Variants in TMEM45B observed in about 807,000 individuals in gnomAD.
TMEM45B encodes transmembrane protein 45B.
A neutral mutation model predicts 27.3 loss-of-function variants in TMEM45B; 29 were observed. The ratio of observed to expected loss-of-function variants is 1.06; its 90% CI spans 0.79 to 1.45. The LOEUF (loss-of-function observed/expected upper bound fraction) is 1.45. Ranked by LOEUF, TMEM45B falls within the 40% of genes most tolerant of loss-of-function variation. The probability of loss-of-function intolerance (pLI) is 0.00; values close to 1 mark genes in which losing one functional copy is unlikely to be tolerated. For missense variants in TMEM45B, 348 were observed against 343.9 expected (o/e 1.01, Z -0.09); for synonymous variants, 143 against 134.7 (o/e 1.06, Z -0.43).
intron 1 of TMEM45B, among the ~76,000 whole-genome samples, chr11:129,833,839 A>G (rs1947584159): frequency 6.6e-6 from 1 of 152,238 alleles, no homozygotes; most frequent in African/African-American, 2.4e-5. Context: ...GAAATAGGGC[A>G]AAGGCGGTCA....
At chr11:129,822,640 A>G (rs1423543703) in intron 1 of TMEM45B, among the ~76,000 whole-genome samples, 1 of 152,172 alleles carries the variant, frequency 6.6e-6, no homozygotes, top group Non-Finnish European at 1.5e-5. Context: ...TAAGGTGGAC[A>G]GGTGGAGGTC....
Position 129,857,323 on chromosome 11 carries a change from T to G in TMEM45B, c.581T>G (p.Val194Gly), listed in dbSNP as rs1947943394. 6.2e-7 allele frequency: 1 copy of G among 1,614,126 alleles called. No homozygotes were observed. Among genetic ancestry groups the G allele is most frequent in the Non-Finnish European group, 8.5e-7 (1 of 1,180,054 alleles). Residue 194 changes from valine (V) to glycine (G), a missense_variant, in exon 5 of 6, where the codon GTG becomes GGG. Transcript: ENST00000281441. ...TCTGTAATCCCCTAGATTGGGTTTG[T>G]GCTGTTCCCACCTTTTGGAACACCC... ...QGTWFWQIGF[V>G]LFPPFGTPEW...
At chr11:129,838,050 G>A (rs1212764371) in intron 1 of TMEM45B, among the ~76,000 whole-genome samples, 3 of 152,102 alleles carry the variant, frequency 2.0e-5, no homozygotes, top group Non-Finnish European at 4.4e-5. Flanking sequence ...CCAAAGTGCT[G>A]GGATTACAGG....
At chr11:129,851,189 G>T (rs1338216034) in intron 1 of TMEM45B, among the ~76,000 whole-genome samples, 1 of 152,186 alleles carries the variant, frequency 6.6e-6, no homozygotes, top group African/African-American at 2.4e-5. Flanking sequence ...CCCTGTATGA[G>T]GGAGGGCATC....
chr11:129,854,513 CCATCTCCG>C, intron 2 of TMEM45B, 89 bp from the exon 3 acceptor site: 1 of 1,268,808 alleles, frequency 7.9e-7, no homozygotes, highest in Non-Finnish European at 1.1e-6. Flanking sequence ...TCACCTCACC[CCATCTCCG>C]CTTCGCTCAT....
At chr11:129,850,455 G>GCACCGTGGCT (rs1947832756) in intron 1 of TMEM45B, 2 of 152,124 alleles carry the variant, frequency 1.3e-5, no homozygotes, top group Non-Finnish European at 2.9e-5. Context: ...GTGAGCCACC[G>GCACCGTGGCT]CACCTGGCCT....
chr11:129,842,507 A>G (rs1487813824), intron 1 of TMEM45B, among the ~76,000 whole-genome samples: 1 of 152,242 alleles, frequency 6.6e-6, no homozygotes. Flanking sequence ...AGGTTAACTA[A>G]TCTTCTACAA....
chr11:129,838,355 G>A (rs1363804698), intron 1 of TMEM45B, among the ~76,000 whole-genome samples: 2 of 152,090 alleles, frequency 1.3e-5, no homozygotes, highest in African/African-American at 2.4e-5. Context: ...ACCAGTCCCC[G>A]TTGTGAGCCA....
At chr11:129,822,684 C>T (rs1242756883) in intron 1 of TMEM45B, among the ~76,000 whole-genome samples, 5 of 152,018 alleles carry the variant, frequency 3.3e-5, no homozygotes, top group African/African-American at 7.3e-5. Flanking sequence ...TCCTTGACTC[C>T]GCCTGCACTT....
chr11:129,851,262 G>A lies in TMEM45B; in HGVS notation c.-8-1213G>A, dbSNP rs145016268. On this transcript the variant is annotated intron_variant, in intron 1 of 5. Coordinates refer to ENST00000281441, the MANE Select transcript of TMEM45B (RefSeq NM_138788.5). ...GTCCCTTCTTAAAAGTCCTCTTCTC[G>A]GCCGGGTGTGGTGGCTCACACCTGT... 2.8e-3 allele frequency among the ~76,000 whole-genome samples: 428 copies of A among 152,188 alleles called. 2 individuals are homozygous for A. The highest frequency in any genetic ancestry group is 9.9e-3 in the African/African-American group (412 of 41,532).
rs1417801868 is a variant in TMEM45B, at chr11:129,855,895, G to A, written c.570+3G>A. The A allele has an allele frequency of 1.2e-6, 2 of 1,613,802 alleles. No individual in the cohort carries two copies. Among genetic ancestry groups the A allele is most frequent in the Non-Finnish European group, 1.7e-6 (2 of 1,179,926 alleles). On this transcript the variant is annotated splice_donor_region_variant and intron_variant, in intron 4 of 5. Transcript: ENST00000281441. ...TTCAGGGAACCTGGTTCTGGCAGGT[G>A]ATTTTCCACACCCAGGCCCCTCGCT...
chr11:129,815,848 G>T lies in TMEM45B; in HGVS notation c.-59G>T, dbSNP rs1947342919. On this transcript the variant is annotated 5_prime_UTR_variant, in exon 1 of 6. Coordinates refer to ENST00000281441, the MANE Select transcript of TMEM45B (RefSeq NM_138788.5). ...GAGCTGCACCTGCTTCTGGGCGGAC[G>T]CACTTGGCGCGCGGCGCGGGCTGCA... 1.5e-6 allele frequency: 2 copies of T among 1,310,180 alleles called. No homozygotes were observed. The highest frequency in any genetic ancestry group is 3.1e-5 in the East Asian group (1 of 32,296). The allele number at this position is 1,310,180 out of a possible 1,614,324, so 81.2% of individuals were successfully genotyped here. A position where few individuals can be genotyped will look rare whatever the true frequency, so the allele number is the denominator to read the frequency against.
At chr11:129,844,989 T>C (rs1947739546) in intron 1 of TMEM45B, among the ~76,000 whole-genome samples, 1 of 152,020 alleles carries the variant, frequency 6.6e-6, no homozygotes, top group Non-Finnish European at 1.5e-5. Context: ...CAGAAAGAAA[T>C]GAAGAACGCT....
Position 129,858,787 on chromosome 11 carries a change from T to C in TMEM45B, c.*102T>C. ...GCTGTGGTCTGATCTTAAGGGTCTA[T>C]ATATTTGCACCTCCTCATTCAACAC... On this transcript the variant is annotated 3_prime_UTR_variant, in exon 6 of 6. Transcript: ENST00000281441. The C allele has an allele frequency of 3.7e-6, 3 of 808,728 alleles. No homozygotes were observed. The highest frequency in any genetic ancestry group is 1.8e-5 in the South Asian group (1 of 57,082). The allele number at this position is 808,728 out of a possible 1,614,324, so 50.1% of individuals were successfully genotyped here. A position where few individuals can be genotyped will look rare whatever the true frequency, so the allele number is the denominator to read the frequency against.
chr11:129,847,404 G>GTTATATTTTTT (rs1947774488), intron 1 of TMEM45B, among the ~76,000 whole-genome samples: 1 of 147,868 alleles, frequency 6.8e-6, no homozygotes, highest in Non-Finnish European at 1.5e-5. Flanking sequence ...AGCTTATGAA[G>GTTATATTTTTT]TTATTTTTTT....
rs536426618 is a variant in TMEM45B at position 129,855,626 on chromosome 11, A to C, written c.386-82A>C. The C allele has an allele frequency of 1.0e-3, 1,484 of 1,439,582 alleles. 21 individuals are homozygous for C. Among genetic ancestry groups the C allele is most frequent in the Middle Eastern group, 2.2e-3 (12 of 5,506 alleles). 89.2% of individuals were successfully genotyped at this position (1,439,582 alleles called of 1,614,324 possible). ...TAACTGCCTAAATGCTGAAGAACCT[A>C]GCTGAGACAGGTGTAGGAGGAAACT... is the stretch of plus-strand genomic sequence containing the variant. On this transcript the variant is annotated intron_variant, in intron 3 of 5. Coordinates refer to ENST00000281441, the MANE Select transcript of TMEM45B (RefSeq NM_138788.5).
rs145618743 is a variant in TMEM45B at position 129,830,078 on chromosome 11, C to A, written c.-9+14180C>A. On this transcript the variant is annotated intron_variant, in intron 1 of 5. Transcript: ENST00000281441. ...AGGTGCAGTGGTTCACACCTGTAATCCCAGCACTTTGGGAAGCCAAGGCTG... is the reference window on the plus strand; with the variant it reads ...AGGTGCAGTGGTTCACACCTGTAATACCAGCACTTTGGGAAGCCAAGGCTG... Among the ~76,000 whole-genome samples, 508 of 152,354 alleles carry A rather than the reference C, an allele frequency of 3.3e-3. 5 individuals carry two copies. Among genetic ancestry groups the A allele is most frequent in the African/African-American group, 0.012 (480 of 41,576 alleles).
chr11:129,849,931 G>GCCTTTGGGGTC (rs1377930469), intron 1 of TMEM45B, among the ~76,000 whole-genome samples: 72 of 152,190 alleles, frequency 4.7e-4, no homozygotes, highest in African/African-American at 1.5e-3. Context: ...TTTCCGAAAT[G>GCCTTTGGGGTC]ACTTTGGGGT....
chr11:129,820,147 C>G (rs1947401337), intron 1 of TMEM45B, among the ~76,000 whole-genome samples: 1 of 152,070 alleles, frequency 6.6e-6, no homozygotes, highest in East Asian at 2.0e-4. Flanking sequence ...AACCCCATCT[C>G]TACTAAAAAC....
Sources: gnomAD v4.1 joint callset for allele counts (sites outside exome capture counted in the v4.1 genomes callset) on GRCh38, gnomAD v4.1.1 for gene constraint, MANE v1.5 for transcripts, NCBI Gene and HGNC (gene_info 2026-07-23, HGNC 2026-07-21) for gene names.